NTMT2: variants seen among roughly 807,000 people sequenced by gnomAD.
The protein encoded by NTMT2 is X-Pro-Lys N-terminal protein methyltransferase 1B.
Under a neutral mutation model 23.4 loss-of-function variants are expected in NTMT2, and 21 were observed. The observed-to-expected ratio is 0.90, with a 90% CI of 0.64 to 1.29. The LOEUF is 1.29. Among genes scored for constraint, NTMT2 ranks in the 50% most tolerant of loss-of-function variants. The pLI is 0.00. For missense variants in NTMT2, 336 were observed against 352.0 expected, an observed-to-expected ratio of 0.95 and a Z score of 0.36; for synonymous variants, 131 against 127.7, an observed-to-expected ratio of 1.03 and a Z score of -0.17.
At chr1:170,163,170 T>A (rs1332823255) in intron 2 of NTMT2, among the ~76,000 whole-genome samples, 1 of 152,178 alleles carries the variant, frequency 6.6e-6, no homozygotes, top group Non-Finnish European at 1.5e-5. Flanking sequence ...GAAACAAATA[T>A]AAGGAGTCCT....
At chr1:170,162,070 G>A (rs1673284430) in intron 2 of NTMT2, among the ~76,000 whole-genome samples, 1 of 152,098 alleles carries the variant, frequency 6.6e-6, no homozygotes, top group African/African-American at 2.4e-5. Flanking sequence ...AGCCTGGGTG[G>A]CACAGCGAGA....
In NTMT2 at chr1:170,155,671, T is replaced by C. The variant is rs145865265; in HGVS notation, c.155-4847T>C. Among the ~76,000 whole-genome samples, 637 of 152,158 alleles carry C rather than the reference T, an allele frequency of 4.2e-3. 17 individuals are homozygous for C. The South Asian group carries it at 0.072, about 17-fold the overall frequency. ...TGACAAACAGGTCTAATAGCTGGAA[T>C]AAAGAGGCATTTTAAAATAGGTATA... On this transcript the variant is annotated intron_variant, in intron 1 of 3. Transcript: ENST00000439373.
In NTMT2 at chr1:170,166,676, TAC is replaced by T. The variant is rs1213043460; in HGVS notation, c.506_507del (p.Tyr169SerfsTer16). On this transcript the variant is annotated frameshift_variant, in exon 3 of 4. Transcript: ENST00000439373. LOFTEE classifies it high-confidence loss of function. ...GGTCAAAGGTGACAAAGTAGAAAGCTACCACTGCTACAGCCTGCAGGAATTCA... is the reference window on the plus strand; with the variant it reads ...GGTCAAAGGTGACAAAGTAGAAAGCTCACTGCTACAGCCTGCAGGAATTCA... ...LQVKGDKVES[Y>X]HCYSLQEFTP... The T allele has an allele frequency of 6.4e-7, 1 of 1,552,168 alleles. No homozygotes were observed. Among genetic ancestry groups the T allele is most frequent in the Non-Finnish European group, 8.7e-7 (1 of 1,147,102 alleles).
chr1:170,152,429 G>A (rs972898629), intron 1 of NTMT2, among the ~76,000 whole-genome samples: 5 of 152,156 alleles, frequency 3.3e-5, no homozygotes, highest in Admixed American at 6.5e-5. Flanking sequence ...GTAGGTAGGG[G>A]ATAGATCTCT....
At chr1:170,167,184 A>G (rs1673411886) in intron 3 of NTMT2, among the ~76,000 whole-genome samples, 1 of 152,182 alleles carries the variant, frequency 6.6e-6, no homozygotes, top group Admixed American at 6.5e-5. Context: ...AGAAGTGGTA[A>G]TAGAGGGGGT....
At chr1:170,167,273 T>C (rs1393949911) in intron 3 of NTMT2, among the ~76,000 whole-genome samples, 1 of 152,120 alleles carries the variant, frequency 6.6e-6, no homozygotes, top group Non-Finnish European at 1.5e-5. Context: ...CTAGGTAGGA[T>C]AATACATTTT....
chr1:170,157,113 C>T (rs10494482), intron 1 of NTMT2, among the ~76,000 whole-genome samples: 12,097 of 152,082 alleles, frequency 0.08, 529 homozygotes, highest in Middle Eastern at 0.13. Context: ...TGGCTGGTTT[C>T]TGTCATCCCT....
At chr1:170,150,096 G>T (rs1673039059) in intron 1 of NTMT2, among the ~76,000 whole-genome samples, 1 of 152,200 alleles carries the variant, frequency 6.6e-6, no homozygotes, top group Non-Finnish European at 1.5e-5. Flanking sequence ...TGCACAGAGA[G>T]TTTGTTGTTT....
intron 2 of NTMT2, among the ~76,000 whole-genome samples, chr1:170,162,612 G>A (rs889807463): frequency 1.3e-5 from 2 of 152,172 alleles, no homozygotes; most frequent in Non-Finnish European, 2.9e-5. Context: ...TCTGCTAAGC[G>A]CTTTAGAAGC....
chr1:170,162,052 T>A (rs1204562152), intron 2 of NTMT2, among the ~76,000 whole-genome samples: 1 of 152,228 alleles, frequency 6.6e-6, no homozygotes, highest in Non-Finnish European at 1.5e-5. Flanking sequence ...ACCGTGCCAG[T>A]GCATTCCAGC....
chr1:170,147,949 T>A (rs544534246), intron 1 of NTMT2, among the ~76,000 whole-genome samples: 1 of 152,186 alleles, frequency 6.6e-6, no homozygotes, highest in Non-Finnish European at 1.5e-5. Flanking sequence ...TTTGTAAATA[T>A]GCTAATGTTT....
intron 2 of NTMT2, 21 bp from the exon 3 acceptor site, chr1:170,166,480 AT>A: frequency 6.4e-7 from 1 of 1,551,970 alleles, no homozygotes; most frequent in Non-Finnish European, 8.7e-7. Context: ...TGTACTTGAA[AT>A]ATCAAGGTGC....
Position 170,153,518 on chromosome 1 carries a change from G to A in NTMT2, c.155-7000G>A, listed in dbSNP as rs577507645. Among the ~76,000 whole-genome samples the A allele has an allele frequency of 1.6e-4, 24 of 152,346 alleles. 1 individual carries two copies. The South Asian group carries it at 3.9e-3, about 25-fold the overall frequency. Reference sequence around the variant, plus strand: ...CAGATGGAAATAAGAAACTTATTGGGAGGTGGAGCAAAGATCACCCTTGTT... The same window carrying A: ...CAGATGGAAATAAGAAACTTATTGGAAGGTGGAGCAAAGATCACCCTTGTT... On this transcript the variant is annotated intron_variant, in intron 1 of 3. Transcript: ENST00000439373.
At chr1:170,160,391 A>T (rs1673253620) in intron 1 of NTMT2, 127 bp from the exon 2 acceptor site, 4 of 827,066 alleles carry the variant, frequency 4.8e-6, no homozygotes, top group Non-Finnish European at 5.3e-6. Context: ...AAATCTTTTG[A>T]CTTCAAACCA....
Position 170,155,855 on chromosome 1 carries a change from A to G in NTMT2, c.155-4663A>G, listed in dbSNP as rs138490286. Among the ~76,000 whole-genome samples, 1,091 of 152,162 alleles carry G rather than the reference A, an allele frequency of 7.2e-3. 14 individuals are homozygous for G. The highest frequency in any genetic ancestry group is 0.025 in the African/African-American group (1,051 of 41,534). ...TGTCCCTGTCTCTGATACTAGATCAATATTTCCTTTCAGGTCCAGATTAAG... is the reference window on the plus strand; with the variant it reads ...TGTCCCTGTCTCTGATACTAGATCAGTATTTCCTTTCAGGTCCAGATTAAG... On this transcript the variant is annotated intron_variant, in intron 1 of 3. Coordinates refer to ENST00000439373, the MANE Select transcript of NTMT2 (RefSeq NM_001136107.2).
At chr1:170,150,157 C>A (rs1036002897) in intron 1 of NTMT2, among the ~76,000 whole-genome samples, 1 of 152,206 alleles carries the variant, frequency 6.6e-6, no homozygotes, top group African/African-American at 2.4e-5. Flanking sequence ...TTGATTCCTT[C>A]TTTCCTTCCT....
chr1:170,166,419 G>A (rs368499041), intron 2 of NTMT2, 83 bp from the exon 3 acceptor site: 46 of 1,464,074 alleles, frequency 3.1e-5, no homozygotes, highest in East Asian at 2.2e-4. Context: ...GGGATTACAA[G>A]CGTGAGCCAC....
chr1:170,150,679 A>G (rs1673051258), intron 1 of NTMT2, among the ~76,000 whole-genome samples: 2 of 152,348 alleles, frequency 1.3e-5, no homozygotes, highest in Admixed American at 6.5e-5. Flanking sequence ...AACATAGCCT[A>G]TGAAGAGCAT....
intron 2 of NTMT2, among the ~76,000 whole-genome samples, chr1:170,166,109 G>C (rs914757348): frequency 6.8e-6 from 1 of 148,086 alleles, no homozygotes; most frequent in African/African-American, 2.5e-5. Context: ...GGTAACTAGG[G>C]TGTGCAATTT....
Sources: gnomAD v4.1 joint callset for allele counts (sites outside exome capture counted in the v4.1 genomes callset) on GRCh38, gnomAD v4.1.1 for gene constraint, MANE v1.5 for transcripts, NCBI Gene and HGNC (gene_info 2026-07-23, HGNC 2026-07-21) for gene names.